KPNA1: variants seen among roughly 807,000 people sequenced by gnomAD.
KPNA1 encodes the protein karyopherin subunit alpha 1.
KPNA1 carries 10 observed loss-of-function variants against 70.5 expected under a neutral mutation model. The observed-to-expected ratio is 0.14, with a 90% CI of 0.09 to 0.24. KPNA1 has a LOEUF of 0.24. KPNA1 is among the 10% of genes least tolerant of loss of function. The pLI, the probability that KPNA1 is intolerant of heterozygous loss-of-function variation, is 1.00. For missense variants in KPNA1, 397 were observed against 637.9 expected, an observed-to-expected ratio of 0.62 and a Z score of 4.07; for synonymous variants, 192 against 221.9, an observed-to-expected ratio of 0.87 and a Z score of 1.20.
At chr3:122,478,302 C>G (rs574142208) in intron 2 of KPNA1, among the ~76,000 whole-genome samples, 1 of 151,974 alleles carries the variant, frequency 6.6e-6, no homozygotes, top group East Asian at 1.9e-4. Context: ...AAAAATTAAC[C>G]CAAAAGGAAT....
Position 122,514,912 on chromosome 3 carries a change from G to A in KPNA1, c.-161C>T, listed in dbSNP as rs1047082762. 3 of 152,294 alleles carry A rather than the reference G, an allele frequency of 2.0e-5. No individual in the cohort carries two copies. Among genetic ancestry groups the A allele is most frequent in the Admixed American group, 6.5e-5 (1 of 15,288 alleles). The allele number at this position is 152,294 out of a possible 1,614,324, so 9.4% of individuals were successfully genotyped here. A position where few individuals can be genotyped will look rare whatever the true frequency, so the allele number is the denominator to read the frequency against. ...TCCGCCGCCTCGCACCGAGCAGCGA[G>A]ACTCAGCTCAGCCGGCGTTCGCAGT... On this transcript the variant is annotated 5_prime_UTR_variant, in exon 1 of 14. Coordinates refer to ENST00000344337, the MANE Select transcript of KPNA1 (RefSeq NM_002264.4).
At chr3:122,437,396 A>G in intron 10 of KPNA1, 101 bp from the exon 11 acceptor site, 5 of 790,852 alleles carry the variant, frequency 6.3e-6, no homozygotes, top group Non-Finnish European at 9.5e-6. Flanking sequence ...TCTCCCCTTG[A>G]AATTTTATAA....
At chr3:122,472,200 C>T (rs918018900) in intron 2 of KPNA1, among the ~76,000 whole-genome samples, 2 of 152,094 alleles carry the variant, frequency 1.3e-5, no homozygotes, top group African/African-American at 4.8e-5. Context: ...TAAAACAAAC[C>T]TTAACACATT....
intron 2 of KPNA1, among the ~76,000 whole-genome samples, chr3:122,473,738 A>C (rs745760014): frequency 1.5e-4 from 23 of 152,166 alleles, no homozygotes; most frequent in Non-Finnish European, 2.9e-4. Context: ...AAAAACCTAC[A>C]GCTAACATCA....
At chr3:122,435,026 G>A (rs1297199109) in intron 11 of KPNA1, among the ~76,000 whole-genome samples, 3 of 152,142 alleles carry the variant, frequency 2.0e-5, no homozygotes, top group Non-Finnish European at 2.9e-5. Flanking sequence ...GTTGATTACT[G>A]GAAAGACACC....
chr3:122,509,206 A>G (rs2076926419), intron 1 of KPNA1, among the ~76,000 whole-genome samples: 4 of 151,788 alleles, frequency 2.6e-5, no homozygotes, highest in African/African-American at 9.7e-5. Context: ...AGATCATGCC[A>G]CTGCACTCAC....
chr3:122,421,959 T>C lies in KPNA1; in HGVS notation c.*5026A>G, dbSNP rs1379786806. The C allele has an allele frequency of 6.6e-6, 1 of 152,216 alleles. No individual in the cohort carries two copies. Among genetic ancestry groups the C allele is most frequent in the African/African-American group, 2.4e-5 (1 of 41,460 alleles). 9.4% of individuals were successfully genotyped at this position (152,216 alleles called of 1,614,324 possible). A position where few individuals can be genotyped will look rare whatever the true frequency, so the allele number is the denominator to read the frequency against. On this transcript the variant is annotated 3_prime_UTR_variant, in exon 14 of 14. Coordinates refer to ENST00000344337, the MANE Select transcript of KPNA1 (RefSeq NM_002264.4). ...ACAAAGATGCATGCATATTCCTTCA[T>C]TTAGTATTTATTGAATGTCTACTAT...
At chr3:122,432,268 T>C (rs1470766750) in intron 12 of KPNA1, among the ~76,000 whole-genome samples, 1 of 152,220 alleles carries the variant, frequency 6.6e-6, no homozygotes, top group African/African-American at 2.4e-5. Context: ...AATCAGAATT[T>C]TGGAGGTTGG....
At chr3:122,434,739 AAG>A (rs2075962402) in intron 11 of KPNA1, among the ~76,000 whole-genome samples, 1 of 152,140 alleles carries the variant, frequency 6.6e-6, no homozygotes, top group Non-Finnish European at 1.5e-5. Context: ...ACTAACACTA[AAG>A]TAGCCTTCCC....
chr3:122,453,862 A>G lies in KPNA1; in HGVS notation c.564+8T>C. 1 of 1,591,352 alleles carries G rather than the reference A, an allele frequency of 6.3e-7. No individual in the cohort carries two copies. Among genetic ancestry groups the G allele is most frequent in the Non-Finnish European group, 8.5e-7 (1 of 1,171,258 alleles). ...TCTTTCACCTGCTTCTTTTTGTTTC[A>G]TTTTTACCTGTTCCTGGACATCTTC... On this transcript the variant is annotated splice_region_variant and intron_variant, in intron 6 of 13. Transcript: ENST00000344337.
chr3:122,459,361 A>AGT, intron 5 of KPNA1: 1 of 921,644 alleles, frequency 1.1e-6, no homozygotes, highest in Non-Finnish European at 1.3e-6. Context: ...GAGTAAATTC[A>AGT]GTATCTCTCA....
chr3:122,461,272 C>T lies in KPNA1; in HGVS notation c.384G>A (p.Val128=), dbSNP rs1428917933. 1 of 1,613,456 alleles carries T rather than the reference C, an allele frequency of 6.2e-7. No homozygotes were observed. Among genetic ancestry groups the T allele is most frequent in the East Asian group, 2.2e-5 (1 of 44,864 alleles). ...GTTTGAGGAACTCCACAAACCTGGC[C>T]ACTACTCCTGGTGTGCTGATAACTT... ...IDEVISTPGV[V]ARFVEFLKRK... Residue 128 remains valine, a synonymous_variant, in exon 5 of 14, where the codon GTG becomes GTA. Coordinates refer to ENST00000344337, the MANE Select transcript of KPNA1 (RefSeq NM_002264.4).
chr3:122,492,340 T>C (rs982367387), intron 2 of KPNA1, among the ~76,000 whole-genome samples: 1 of 152,220 alleles, frequency 6.6e-6, no homozygotes, highest in African/African-American at 2.4e-5. Context: ...CTATGTAATC[T>C]TGGCCAAATC....
chr3:122,467,974 C>A (rs1396139933), intron 2 of KPNA1, among the ~76,000 whole-genome samples: 2 of 152,196 alleles, frequency 1.3e-5, no homozygotes, highest in African/African-American at 2.4e-5. Flanking sequence ...GAGACTAGTT[C>A]TCTCCAAAGT....
At chr3:122,492,849 C>G (rs1326261491) in intron 2 of KPNA1, among the ~76,000 whole-genome samples, 1 of 152,220 alleles carries the variant, frequency 6.6e-6, no homozygotes, top group Admixed American at 6.5e-5. Flanking sequence ...TCACACTGAA[C>G]TGCTGTAACC....
At position 122,422,779 on chromosome 3, in the gene KPNA1, A is replaced by G. The variant is rs1157511961; in HGVS notation, c.*4206T>C. On this transcript the variant is annotated 3_prime_UTR_variant, in exon 14 of 14. Transcript: ENST00000344337. ...TGGAAGACTACATGAGAAAAAAGGAAAGCCCTTAGCCAGGTATCTGGTGTA... is the reference window on the plus strand; with the variant it reads ...TGGAAGACTACATGAGAAAAAAGGAGAGCCCTTAGCCAGGTATCTGGTGTA... 6.6e-6 allele frequency: 1 copy of G among 152,226 alleles called. No individual in the cohort carries two copies. The highest frequency in any genetic ancestry group is 1.5e-5 in the Non-Finnish European group (1 of 68,042). 9.4% of individuals were successfully genotyped at this position (152,226 alleles called of 1,614,324 possible). A position where few individuals can be genotyped will look rare whatever the true frequency, so the allele number is the denominator to read the frequency against.
chr3:122,486,774 G>A (rs1371021912), intron 2 of KPNA1, among the ~76,000 whole-genome samples: 2 of 152,016 alleles, frequency 1.3e-5, no homozygotes, highest in East Asian at 1.9e-4. Flanking sequence ...TTTTAGTAGA[G>A]TCGGGGTTTC....
intron 2 of KPNA1, among the ~76,000 whole-genome samples, chr3:122,469,063 T>A (rs898512500): frequency 2.6e-5 from 4 of 152,116 alleles, no homozygotes; most frequent in Non-Finnish European, 5.9e-5. Flanking sequence ...CCCAAATTAG[T>A]ATCAGACACC....
chr3:122,503,366 G>A (rs1157108622), intron 1 of KPNA1, among the ~76,000 whole-genome samples: 2 of 152,110 alleles, frequency 1.3e-5, no homozygotes, highest in East Asian at 1.9e-4. Context: ...TTCTTAAAAC[G>A]TTTTTGTAGT....
Sources: allele counts gnomAD v4.1 joint callset (sites outside exome capture counted in the v4.1 genomes callset), GRCh38; gene constraint gnomAD v4.1.1; transcripts MANE v1.5; gene names NCBI Gene and HGNC (gene_info 2026-07-23, HGNC 2026-07-21).